LRMDA: variants seen among roughly 807,000 people sequenced by gnomAD.
LRMDA encodes leucine rich melanocyte differentiation associated, also known as leucine-rich melanocyte differentiation-associated protein.
A neutral mutation model predicts 29.8 loss-of-function variants in LRMDA; 18 were observed. The ratio of observed to expected loss-of-function variants is 0.60; its 90% CI spans 0.42 to 0.90. LRMDA has a LOEUF of 0.90. Among genes scored for constraint, LRMDA ranks in the 40% least tolerant of loss-of-function variants. The pLI is 0.00. For missense variants in LRMDA, 273 were observed against 273.9 expected (o/e 1.00, Z 0.02); for synonymous variants, 125 against 109.4 (o/e 1.14, Z -0.89).
Position 76,324,542 on chromosome 10 carries a change from G to T in LRMDA, c.601+57G>T, listed in dbSNP as rs1161736666. The T allele has an allele frequency of 1.6e-5, 24 of 1,497,182 alleles. No individual in the cohort carries two copies. In the East Asian group the frequency reaches 5.4e-4, roughly 34 times the overall value. 92.7% of individuals were successfully genotyped at this position (1,497,182 alleles called of 1,614,324 possible). A position where few individuals can be genotyped will look rare whatever the true frequency, so the allele number is the denominator to read the frequency against. ...GGTGCAGGGAGGGACACTTGGCTGT[G>T]CAGAGCTCTGGCTCATTACTGCTGC... On this transcript the variant is annotated intron_variant, in intron 6 of 6. Transcript: ENST00000611255.
chr10:75,583,855 G>T (rs1388821119), intron 2 of LRMDA, among the ~76,000 whole-genome samples: 2 of 152,140 alleles, frequency 1.3e-5, no homozygotes, highest in East Asian at 3.9e-4. Flanking sequence ...CACTCGAGGT[G>T]TTCTGGTTCA....
chr10:75,763,698 AT>A (rs58980040), intron 2 of LRMDA, among the ~76,000 whole-genome samples: 39,592 of 141,718 alleles, frequency 0.28, 6,242 homozygotes, highest in African/African-American at 0.48. Context: ...AATCAGGACA[AT>A]TTTTTTTTTT....
At chr10:76,202,890 C>T (rs1851458855) in intron 5 of LRMDA, among the ~76,000 whole-genome samples, 1 of 152,122 alleles carries the variant, frequency 6.6e-6, no homozygotes, top group Non-Finnish European at 1.5e-5. Flanking sequence ...TCCCTGTTCC[C>T]TGCTCTGCGG....
chr10:76,356,085 C>T (rs1841235907), intron 6 of LRMDA, among the ~76,000 whole-genome samples: 1 of 152,118 alleles, frequency 6.6e-6, no homozygotes, highest in Non-Finnish European at 1.5e-5. Flanking sequence ...ATCTGTATTC[C>T]TCCTTGTAAA....
intron 2 of LRMDA, among the ~76,000 whole-genome samples, chr10:75,496,360 A>G (rs928797576): frequency 6.6e-6 from 1 of 152,234 alleles, no homozygotes; most frequent in African/African-American, 2.4e-5. Flanking sequence ...TCAATGGAGA[A>G]TGAAATTAAA....
intron 2 of LRMDA, among the ~76,000 whole-genome samples, chr10:75,997,785 T>C (rs1460841874): frequency 6.6e-6 from 1 of 152,200 alleles, no homozygotes; most frequent in Non-Finnish European, 1.5e-5. Context: ...TTGTGGGCTC[T>C]CTTCACAGCC....
At chr10:75,642,957 C>G (rs1041443008) in intron 2 of LRMDA, 2 of 152,290 alleles carry the variant, frequency 1.3e-5, no homozygotes, top group East Asian at 3.9e-4. Context: ...TGGCTTGTCT[C>G]TGGTCCACAA....
chr10:75,609,665 C>A (rs1266268434), intron 2 of LRMDA, among the ~76,000 whole-genome samples: 1 of 152,072 alleles, frequency 6.6e-6, no homozygotes, highest in Non-Finnish European at 1.5e-5. Flanking sequence ...TGGAAGGAGC[C>A]CTAGCCTGGG....
chr10:76,383,415 C>CTTTT (rs1157185768), intron 6 of LRMDA, among the ~76,000 whole-genome samples: 1 of 87,266 alleles, frequency 1.1e-5, no homozygotes, highest in Non-Finnish European at 2.1e-5. Flanking sequence ...AATGTCTTTT[C>CTTTT]TTTTTTTTTT....
chr10:76,464,359 T>C (rs1424665676), intron 6 of LRMDA, among the ~76,000 whole-genome samples: 1 of 152,058 alleles, frequency 6.6e-6, no homozygotes, highest in Non-Finnish European at 1.5e-5. Context: ...TTGTAAGGTA[T>C]GAGTGGACGA....
At chr10:75,638,286 G>T (rs781336787) in intron 2 of LRMDA, among the ~76,000 whole-genome samples, 16 of 152,122 alleles carry the variant, frequency 1.1e-4, no homozygotes, top group Non-Finnish European at 1.9e-4. Context: ...TATCATCTTG[G>T]TTTTTCCTGT....
At chr10:76,347,000 A>G (rs1037542713) in intron 6 of LRMDA, among the ~76,000 whole-genome samples, 1 of 152,208 alleles carries the variant, frequency 6.6e-6, no homozygotes, top group Admixed American at 6.5e-5. Flanking sequence ...GTCAATTATC[A>G]GAATACTAGT....
chr10:75,913,801 G>A (rs900356571), intron 2 of LRMDA, among the ~76,000 whole-genome samples: 1 of 152,238 alleles, frequency 6.6e-6, no homozygotes, highest in Admixed American at 6.5e-5. Context: ...CAAGGGGACA[G>A]GAGAACGTCC....
chr10:75,668,931 G>C (rs1841858797), intron 2 of LRMDA, among the ~76,000 whole-genome samples: 1 of 152,178 alleles, frequency 6.6e-6, no homozygotes, highest in Non-Finnish European at 1.5e-5. Context: ...GAGTCTGGTA[G>C]ATTCCTTCTT....
intron 5 of LRMDA, among the ~76,000 whole-genome samples, chr10:76,235,887 T>G (rs1852143356): frequency 6.6e-6 from 1 of 152,184 alleles, no homozygotes; most frequent in Non-Finnish European, 1.5e-5. Flanking sequence ...CAGATGTAAG[T>G]TTCTTTTACA....
chr10:75,513,207 C>T (rs147057237), intron 2 of LRMDA, among the ~76,000 whole-genome samples: 27 of 152,230 alleles, frequency 1.8e-4, no homozygotes, highest in Non-Finnish European at 2.4e-4. Flanking sequence ...TCCCCCACTC[C>T]GGTGTAACAA....
chr10:75,821,746 G>T (rs933251393), intron 2 of LRMDA, among the ~76,000 whole-genome samples: 1 of 151,292 alleles, frequency 6.6e-6, no homozygotes, highest in African/African-American at 2.4e-5. Context: ...TCCAGCCTGG[G>T]CGACAGAGAG....
chr10:75,602,142 A>T (rs1840894957), intron 2 of LRMDA, among the ~76,000 whole-genome samples: 1 of 152,108 alleles, frequency 6.6e-6, no homozygotes, highest in South Asian at 2.1e-4. Flanking sequence ...CTCCTGAGAC[A>T]TTTATAAAAA....
At chr10:76,537,809 G>T (rs1018708576) in intron 6 of LRMDA, among the ~76,000 whole-genome samples, 3 of 152,152 alleles carry the variant, frequency 2.0e-5, no homozygotes, top group African/African-American at 7.2e-5. Context: ...GAGTTATTCT[G>T]CCTACCTACC....
Sources: allele counts gnomAD v4.1 joint callset (sites outside exome capture counted in the v4.1 genomes callset), GRCh38; gene constraint gnomAD v4.1.1; transcripts MANE v1.5; gene names NCBI Gene and HGNC (gene_info 2026-07-23, HGNC 2026-07-21).